TMC1: variants seen among roughly 807,000 people sequenced by gnomAD.
TMC1 encodes the protein transmembrane channel like 1, also known as transmembrane channel-like protein 1.
In TMC1, 84 loss-of-function variants were observed where a neutral mutation model predicts 105.8. That is an observed-to-expected ratio of 0.79 (90% CI 0.67 to 0.95). The LOEUF (loss-of-function observed/expected upper bound fraction) is 0.95. Among genes scored for constraint, TMC1 ranks in the 40% least tolerant of loss-of-function variants. The pLI, the probability that TMC1 is intolerant of heterozygous loss-of-function variation, is 0.00. For synonymous variants in TMC1, 315 were observed against 311.5 expected (o/e 1.01, Z -0.12); for missense variants, 817 against 914.1 (o/e 0.89, Z 1.37).
At chr9:72,637,117 G>A (rs1825549059) in intron 4 of TMC1, among the ~76,000 whole-genome samples, 1 of 151,696 alleles carries the variant, frequency 6.6e-6, no homozygotes, top group Non-Finnish European at 1.5e-5. Context: ...CAGCAGCCCC[G>A]TATGGTTTTC....
At chr9:72,631,623 G>A (rs560600736) in intron 4 of TMC1, among the ~76,000 whole-genome samples, 1 of 152,116 alleles carries the variant, frequency 6.6e-6, no homozygotes, top group Non-Finnish European at 1.5e-5. Flanking sequence ...AAATATATGA[G>A]GTTCTTGAAT....
intron 5 of TMC1, among the ~76,000 whole-genome samples, chr9:72,662,065 G>A (rs1286458532): frequency 2.6e-5 from 4 of 152,150 alleles, no homozygotes; most frequent in Non-Finnish European, 2.9e-5. Flanking sequence ...TCTTCCCCAG[G>A]ATCTGGATCT....
intron 8 of TMC1, among the ~76,000 whole-genome samples, chr9:72,724,476 C>T (rs937688837): frequency 2.0e-5 from 3 of 152,198 alleles, no homozygotes; most frequent in Admixed American, 2.0e-4. Context: ...ACTACTGTTA[C>T]AATGGCAATT....
At chr9:72,639,701 A>G (rs1055471824) in intron 4 of TMC1, among the ~76,000 whole-genome samples, 3 of 152,228 alleles carry the variant, frequency 2.0e-5, no homozygotes, top group African/African-American at 4.8e-5. Flanking sequence ...TAGCTAATAC[A>G]TAGAGGAATA....
At chr9:72,762,989 G>C (rs558456362) in intron 12 of TMC1, among the ~76,000 whole-genome samples, 41 of 151,838 alleles carry the variant, frequency 2.7e-4, no homozygotes, top group African/African-American at 9.4e-4. Context: ...CACAGCTCTA[G>C]CTTGTGACGA....
intron 8 of TMC1, among the ~76,000 whole-genome samples, chr9:72,721,306 A>C (rs1827021131): frequency 6.6e-6 from 1 of 152,148 alleles, no homozygotes; most frequent in African/African-American, 2.4e-5. Flanking sequence ...CCTGCTTCAG[A>C]AAAATCTGGG....
At chr9:72,640,239 TC>T (rs1825603832) in intron 4 of TMC1, among the ~76,000 whole-genome samples, 2 of 152,246 alleles carry the variant, frequency 1.3e-5, no homozygotes, top group Admixed American at 6.5e-5. Flanking sequence ...CCTGTGAGAA[TC>T]CTGTTTAATA....
intron 14 of TMC1, 88 bp from the exon 15 acceptor site, chr9:72,789,035 A>T: frequency 7.7e-7 from 1 of 1,299,814 alleles, no homozygotes; most frequent in South Asian, 1.2e-5. Flanking sequence ...GATTGTAAAA[A>T]TAACTTTTGA....
chr9:72,652,287 A>G (rs1046567718), intron 5 of TMC1, among the ~76,000 whole-genome samples: 30 of 152,176 alleles, frequency 2.0e-4, no homozygotes, highest in African/African-American at 6.8e-4. Context: ...TATTTGCAAG[A>G]TATTTGCTGT....
At chr9:72,533,204 T>C (rs2132058979) in intron 1 of TMC1, among the ~76,000 whole-genome samples, 1 of 152,322 alleles carries the variant, frequency 6.6e-6, no homozygotes, top group South Asian at 2.1e-4. Context: ...AGCCCCTTTT[T>C]GTGGAATATA....
At chr9:72,694,423 G>A in intron 6 of TMC1, 120 bp from the exon 7 acceptor site, 2 of 813,882 alleles carry the variant, frequency 2.5e-6, no homozygotes, top group South Asian at 3.0e-5. Flanking sequence ...ATCACGATGT[G>A]GAGAATTGCT....
intron 2 of TMC1, among the ~76,000 whole-genome samples, chr9:72,609,552 CAACA>C (rs1824988373): frequency 6.6e-6 from 1 of 151,756 alleles, no homozygotes; most frequent in Non-Finnish European, 1.5e-5. Flanking sequence ...AAAATAACAA[CAACA>C]ACAAAAACAA....
intron 5 of TMC1, among the ~76,000 whole-genome samples, chr9:72,677,773 CCTGT>C (rs1221691698): frequency 6.1e-5 from 9 of 147,218 alleles, no homozygotes; most frequent in Admixed American, 6.1e-4. Flanking sequence ...TTTGACCTTC[CCTGT>C]CTGTTCCTGT....
chr9:72,697,021 C>T, intron 7 of TMC1, among the ~76,000 whole-genome samples: 1 of 152,066 alleles, frequency 6.6e-6, no homozygotes, highest in East Asian at 1.9e-4. Flanking sequence ...ACTTATGTGT[C>T]AACAACTGTA....
At chr9:72,670,266 T>C (rs1826108702) in intron 5 of TMC1, among the ~76,000 whole-genome samples, 1 of 152,054 alleles carries the variant, frequency 6.6e-6, no homozygotes, top group South Asian at 2.1e-4. Flanking sequence ...AGAAAGAGTA[T>C]AAAAACCATG....
chr9:72,600,280 CA>C (rs1824785885), intron 2 of TMC1, among the ~76,000 whole-genome samples: 1 of 152,188 alleles, frequency 6.6e-6, no homozygotes, highest in South Asian at 2.1e-4. Context: ...ACTCAAGCAA[CA>C]AAATGCACAC....
chr9:72,760,337 T>A (rs1488648088), intron 12 of TMC1, among the ~76,000 whole-genome samples: 11 of 152,116 alleles, frequency 7.2e-5, no homozygotes, highest in Admixed American at 7.2e-4. Context: ...TACAACCCAG[T>A]ATTCCATCTA....
intron 13 of TMC1, 32 bp from the exon 14 acceptor site, chr9:72,788,307 T>C (rs1387102037): frequency 1.9e-6 from 3 of 1,613,842 alleles, no homozygotes; most frequent in Admixed American, 1.7e-5. Flanking sequence ...TCATTTTTTC[T>C]GGCTGCTGGG....
intron 1 of TMC1, among the ~76,000 whole-genome samples, chr9:72,574,967 A>G (rs748486463): frequency 6.6e-6 from 1 of 152,138 alleles, no homozygotes; most frequent in Non-Finnish European, 1.5e-5. Flanking sequence ...GAATGATTTT[A>G]GTGCCTTGAG....
Sources: gnomAD v4.1 joint callset for allele counts (sites outside exome capture counted in the v4.1 genomes callset) on GRCh38, gnomAD v4.1.1 for gene constraint, MANE v1.5 for transcripts, NCBI Gene and HGNC (gene_info 2026-07-23, HGNC 2026-07-21) for gene names.